The following ESRRG variants were observed in gnomAD, a reference collection of about 807,000 sequenced individuals.
The protein encoded by ESRRG is estrogen-related receptor gamma.
A neutral mutation model predicts 44.0 loss-of-function variants in ESRRG; 13 were observed. That is an observed-to-expected ratio of 0.30 (90% CI 0.19 to 0.47). The LOEUF (loss-of-function observed/expected upper bound fraction) is 0.47. Ranked by LOEUF, ESRRG falls within the 20% of genes least tolerant of loss-of-function variation. ESRRG has a pLI of 1.00. For synonymous variants in ESRRG, 215 were observed against 214.6 expected (o/e 1.00, Z -0.02); for missense variants, 395 against 580.6 (o/e 0.68, Z 3.29).
chr1:216,734,706 T>C (rs17680284), intron 2 of ESRRG, among the ~76,000 whole-genome samples: 9,480 of 152,200 alleles, frequency 0.062, 369 homozygotes, highest in African/African-American at 0.091. Flanking sequence ...TAGACTAACG[T>C]ACTCATACAA....
intron 2 of ESRRG, among the ~76,000 whole-genome samples, chr1:216,728,438 G>A (rs746190389): frequency 1.3e-5 from 2 of 151,432 alleles, no homozygotes; most frequent in Admixed American, 6.6e-5. Context: ...GCCATAAATT[G>A]TTGACTCAAT....
At chr1:216,701,969 A>G (rs1157547621) in intron 1 of ESRRG, among the ~76,000 whole-genome samples, 1 of 152,220 alleles carries the variant, frequency 6.6e-6, no homozygotes, top group African/African-American at 2.4e-5. Context: ...TACTTTTGAA[A>G]TATATATTAC....
chr1:217,014,760 T>C (rs1201642078), intron 1 of ESRRG, among the ~76,000 whole-genome samples: 3 of 152,214 alleles, frequency 2.0e-5, no homozygotes, highest in Non-Finnish European at 4.4e-5. Context: ...GAGGAGCATA[T>C]AAGTTATCTT....
At position 216,946,792 on chromosome 1, in the gene ESRRG, C is replaced by G. The variant is rs12080566; in HGVS notation, c.-105-7119G>C. Among the ~76,000 whole-genome samples, 843 of 152,064 alleles carry G rather than the reference C, an allele frequency of 5.5e-3. 5 individuals are homozygous for G. The highest frequency in any genetic ancestry group is 0.02 in the African/African-American group (811 of 41,460). ...AGTGCAGTGGTATGATCTCAGATCA[C>G]TGGTTTCAAGTGATTCTCCTGCCTC... On this transcript the variant is annotated intron_variant, in intron 1 of 7. Coordinates refer to the ESRRG transcript ENST00000359162.
chr1:217,110,170 T>A (rs201921769), intron 1 of ESRRG, among the ~76,000 whole-genome samples: 2 of 152,170 alleles, frequency 1.3e-5, no homozygotes, highest in Admixed American at 1.3e-4. Flanking sequence ...AATCACAACA[T>A]CCTTTCATGC....
chr1:216,593,214 C>A (rs1172670573), intron 3 of ESRRG, among the ~76,000 whole-genome samples: 4 of 152,152 alleles, frequency 2.6e-5, no homozygotes, highest in Non-Finnish European at 5.9e-5. Flanking sequence ...AATCTATCTT[C>A]TTTTCCATTG....
chr1:217,042,592 TC>T (rs969963771), intron 1 of ESRRG, among the ~76,000 whole-genome samples: 2 of 149,456 alleles, frequency 1.3e-5, no homozygotes, highest in Non-Finnish European at 3.0e-5. Flanking sequence ...CTCCCCACAC[TC>T]CCCCCTGCCC....
intron 2 of ESRRG, among the ~76,000 whole-genome samples, chr1:216,748,764 A>G (rs1422551197): frequency 6.6e-6 from 1 of 152,176 alleles, no homozygotes; most frequent in Non-Finnish European, 1.5e-5. Flanking sequence ...AAGTGCTGTT[A>G]TTGAGGCAGA....
intron 2 of ESRRG, among the ~76,000 whole-genome samples, chr1:216,937,634 G>T (rs956364179): frequency 6.6e-6 from 1 of 152,092 alleles, no homozygotes; most frequent in Non-Finnish European, 1.5e-5. Context: ...TTTCAAAAAT[G>T]GAGGGGAGGA....
chr1:216,506,671 G>A lies in ESRRG; in HGVS notation c.*268C>T, dbSNP rs1322695761. ...AGGAATGAAAGAAGCAAAGAAATAA[G>A]GGAGGTGAAAGAAGAAAAGGAGAAA... On this transcript the variant is annotated 3_prime_UTR_variant, in exon 7 of 7. Transcript: ENST00000408911. The A allele has an allele frequency of 1.8e-5, 10 of 549,922 alleles. No homozygotes were observed. The Admixed American group carries it at 2.5e-4, about 14-fold the overall frequency. The allele number at this position is 549,922 out of a possible 1,614,324, so 34.1% of individuals were successfully genotyped here.
chr1:216,606,130 C>T (rs1236940688), intron 3 of ESRRG, among the ~76,000 whole-genome samples: 1 of 152,068 alleles, frequency 6.6e-6, no homozygotes, highest in Non-Finnish European at 1.5e-5. Context: ...CCTTCACTGC[C>T]CACCCCCAAC....
intron 2 of ESRRG, among the ~76,000 whole-genome samples, chr1:216,937,936 T>C (rs2064435809): frequency 6.6e-6 from 1 of 151,882 alleles, no homozygotes; most frequent in South Asian, 2.1e-4. Context: ...TTTCTTTACG[T>C]ACTCTGGAGG....
At chr1:217,076,440 G>A (rs2091303311) in intron 1 of ESRRG, among the ~76,000 whole-genome samples, 1 of 152,114 alleles carries the variant, frequency 6.6e-6, no homozygotes, top group Admixed American at 6.6e-5. Context: ...CTCGGTTGAA[G>A]GCAAATTTAT....
At chr1:216,872,342 T>TA (rs1344785411) in intron 2 of ESRRG, among the ~76,000 whole-genome samples, 4 of 152,194 alleles carry the variant, frequency 2.6e-5, no homozygotes, top group Non-Finnish European at 5.9e-5. Context: ...TTCTTTCTCC[T>TA]AGTGTTGGCA....
At chr1:216,650,088 T>A (rs1050573548) in intron 3 of ESRRG, among the ~76,000 whole-genome samples, 5 of 152,198 alleles carry the variant, frequency 3.3e-5, no homozygotes, top group African/African-American at 1.2e-4. Context: ...TTACCATCTT[T>A]TCATTGTGTT....
intron 3 of ESRRG, among the ~76,000 whole-genome samples, chr1:216,578,333 A>C (rs2062068796): frequency 6.6e-6 from 1 of 152,076 alleles, no homozygotes; most frequent in African/African-American, 2.4e-5. Context: ...TAGCACCCCC[A>C]TAGGAATGCT....
chr1:216,991,237 C>T (rs74141719), intron 1 of ESRRG, among the ~76,000 whole-genome samples: 6,830 of 152,072 alleles, frequency 0.045, 478 homozygotes, highest in African/African-American at 0.15. Flanking sequence ...AACCTGTTTC[C>T]GGCGCCAAAA....
At chr1:217,048,499 G>T (rs536576730) in intron 1 of ESRRG, among the ~76,000 whole-genome samples, 1 of 152,214 alleles carries the variant, frequency 6.6e-6, no homozygotes, top group South Asian at 2.1e-4. Context: ...CAACAACGAG[G>T]GTGCTATTCC....
chr1:216,754,552 G>A (rs555210576), intron 2 of ESRRG, among the ~76,000 whole-genome samples: 179 of 151,840 alleles, frequency 1.2e-3, no homozygotes, highest in Non-Finnish European at 2.1e-3. Flanking sequence ...CTCTATATAA[G>A]AAACAATGAG....
Sources: allele counts gnomAD v4.1 joint callset (sites outside exome capture counted in the v4.1 genomes callset), GRCh38; gene constraint gnomAD v4.1.1; transcripts MANE v1.5; gene names NCBI Gene and HGNC (gene_info 2026-07-23, HGNC 2026-07-21).